MYO9B: variants seen among roughly 807,000 people sequenced by gnomAD.
MYO9B encodes myosin IXB.
MYO9B carries 71 observed loss-of-function variants against 229.5 expected under a neutral mutation model. The ratio of observed to expected loss-of-function variants is 0.31; its 90% CI spans 0.26 to 0.38. MYO9B has a LOEUF of 0.38. MYO9B is among the 10% of genes least tolerant of loss of function. The pLI is 1.00. For missense variants in MYO9B, 2,255 were observed against 2,920.5 expected (o/e 0.77, Z 5.25); for synonymous variants, 1,185 against 1,235.8 (o/e 0.96, Z 0.86).
chr19:17,087,565 A>C (rs1399037388), intron 1 of MYO9B, among the ~76,000 whole-genome samples: 2 of 152,218 alleles, frequency 1.3e-5, no homozygotes, highest in African/African-American at 4.8e-5. Context: ...GCACTGGGCA[A>C]CTGGATTCAT....
At chr19:17,175,414 G>A (rs1293316109) in intron 13 of MYO9B, among the ~76,000 whole-genome samples, 22 of 151,908 alleles carry the variant, frequency 1.4e-4, no homozygotes, top group African/African-American at 3.4e-4. Context: ...GCAAAACCCC[G>A]TCTCTACTAA....
chr19:17,137,409 A>G (rs1454863354), intron 2 of MYO9B, among the ~76,000 whole-genome samples: 4 of 152,054 alleles, frequency 2.6e-5, no homozygotes, highest in African/African-American at 9.7e-5. Flanking sequence ...GTCTCAAACA[A>G]CAACAACAAC....
Position 17,102,185 on chromosome 19 carries a change from G to A in MYO9B, c.468G>A (p.Glu156=), listed in dbSNP as rs1453140823. The A allele has an allele frequency of 1.2e-6, 2 of 1,613,888 alleles. No homozygotes were observed. The highest frequency in any genetic ancestry group is 1.7e-5 in the Admixed American group (1 of 60,030). Residue 156 remains glutamate (E), a synonymous_variant, in exon 2 of 40, where the codon GAG becomes GAA. Coordinates refer to ENST00000682292, the MANE Select transcript of MYO9B (RefSeq NM_004145.4). ...ADFDDLCNLP[E]LTEGNLLKNL... is the part of the protein sequence containing the mutation. ...TTGATGACCTGTGTAACCTCCCCGAGCTAACCGAGGGCAACCTCCTGAAGA... is the reference window on the plus strand; with the variant it reads ...TTGATGACCTGTGTAACCTCCCCGAACTAACCGAGGGCAACCTCCTGAAGA...
At chr19:17,205,687 G>A (rs577252755) in intron 31 of MYO9B, among the ~76,000 whole-genome samples, 1 of 152,264 alleles carries the variant, frequency 6.6e-6, no homozygotes, top group South Asian at 2.1e-4. Flanking sequence ...TCTGTGAGGT[G>A]GCTGTGGGGG....
chr19:17,198,484 C>G (rs1435623679), intron 24 of MYO9B, among the ~76,000 whole-genome samples, 176 bp downstream of exon 24: 6 of 152,170 alleles, frequency 3.9e-5, no homozygotes, highest in African/African-American at 1.4e-4. Context: ...CCTATAATCC[C>G]AGCACTTTGG....
intron 2 of MYO9B, among the ~76,000 whole-genome samples, chr19:17,144,334 A>C (rs1417995663): frequency 6.6e-6 from 1 of 152,168 alleles, no homozygotes; most frequent in Non-Finnish European, 1.5e-5. Context: ...TCTGGGCATG[A>C]TGGTTCATGC....
intron 30 of MYO9B, among the ~76,000 whole-genome samples, 177 bp from the exon 31 acceptor site, chr19:17,205,086 G>C (rs6512176): frequency 0.39 from 59,704 of 151,218 alleles, 12,701 homozygotes; most frequent in East Asian, 0.76. Context: ...GGGAGGCGGA[G>C]GTTGCAGTGA....
chr19:17,166,629 T>C (rs2072662811), intron 10 of MYO9B, among the ~76,000 whole-genome samples: 1 of 152,146 alleles, frequency 6.6e-6, no homozygotes, highest in Non-Finnish European at 1.5e-5. Flanking sequence ...CACTAGTTAT[T>C]TTTCCTGATC....
rs377113257 is a variant in MYO9B at position 17,212,178 on chromosome 19, C to T, written c.6342C>T (p.Pro2114=). 2.9e-5 allele frequency: 46 copies of T among 1,579,688 alleles called. No homozygotes were observed. The highest frequency in any genetic ancestry group is 5.5e-5 in the Admixed American group (3 of 54,414). ...PDQIHSVYIT[P]GADLPVQGAL... is the part of the protein sequence containing the mutation. ...AGATACATTCCGTGTACATCACGCC[C>T]GGGGCAGACCTGCCAGTGCAGGGCG... is the stretch of plus-strand genomic sequence containing the variant. The change falls in exon 40 of 40, where the codon CCC becomes CCT. Residue 2114 remains proline (P), a synonymous_variant. Transcript: ENST00000682292. This position sits in a 1 kb window ranked among gnomAD's most constrained non-coding sequence, Gnocchi z 5.4.
At chr19:17,190,609 G>GCC (rs1183505745) in intron 19 of MYO9B, among the ~76,000 whole-genome samples, 1 of 145,178 alleles carries the variant, frequency 6.9e-6, no homozygotes. Flanking sequence ...CTGCACTCCA[G>GCC]CCTGGGTAAC....
chr19:17,199,701 T>C (rs199715853), intron 24 of MYO9B, among the ~76,000 whole-genome samples: 162 of 16,282 alleles, frequency 9.9e-3, no homozygotes, highest in African/African-American at 0.055. Flanking sequence ...TTTTTTTTTC[T>C]TTTTTTTTTT....
chr19:17,092,754 A>G (rs533611303), intron 1 of MYO9B, among the ~76,000 whole-genome samples: 15 of 150,868 alleles, frequency 9.9e-5, no homozygotes, highest in Admixed American at 2.6e-4. Context: ...GCGCTTGCAC[A>G]TATGTTTTTT....
intron 18 of MYO9B, 92 bp downstream of exon 18, chr19:17,186,093 G>C (rs2072916668): frequency 8.7e-7 from 1 of 1,154,960 alleles, no homozygotes; most frequent in Admixed American, 1.8e-5. Flanking sequence ...CCTCCACGCA[G>C]TATGGGGGAC....
At chr19:17,175,354 G>A (rs901050071) in intron 13 of MYO9B, among the ~76,000 whole-genome samples, 2 of 151,662 alleles carry the variant, frequency 1.3e-5, no homozygotes, top group Non-Finnish European at 2.9e-5. Flanking sequence ...GGAGGCCAAG[G>A]TGGGCAGATC....
At chr19:17,130,324 A>G (rs8100038) in intron 2 of MYO9B, among the ~76,000 whole-genome samples, 1,664 of 152,106 alleles carry the variant, frequency 0.011, 33 homozygotes, top group African/African-American at 0.037. Flanking sequence ...TACAGAAATT[A>G]GCCGGGCATT....
intron 2 of MYO9B, among the ~76,000 whole-genome samples, chr19:17,133,040 G>A (rs1284754932): frequency 6.6e-6 from 1 of 151,656 alleles, no homozygotes. Flanking sequence ...TAGAGACAGG[G>A]TTTCACCATG....
At chr19:17,152,075 T>C (rs544657276) in intron 3 of MYO9B, among the ~76,000 whole-genome samples, 13 of 151,238 alleles carry the variant, frequency 8.6e-5, no homozygotes, top group South Asian at 2.1e-4. Context: ...TAATCCCAGC[T>C]ACTCAGGAGG....
chr19:17,202,807 G>T, intron 28 of MYO9B, 35 bp from the exon 29 acceptor site: 1 of 1,565,972 alleles, frequency 6.4e-7, no homozygotes, highest in South Asian at 1.2e-5. Context: ...TTCCCAGGGG[G>T]GCCCCCGCCA....
intron 1 of MYO9B, among the ~76,000 whole-genome samples, chr19:17,091,544 T>G (rs554911139): frequency 6.6e-6 from 1 of 152,238 alleles, no homozygotes; most frequent in South Asian, 2.1e-4. Context: ...CCATCTCTAC[T>G]AAAAATACAA....
Sources: allele counts gnomAD v4.1 joint callset (sites outside exome capture counted in the v4.1 genomes callset), GRCh38; gene constraint gnomAD v4.1.1; non-coding constraint Gnocchi (gnomAD v3.1); transcripts MANE v1.5; gene names NCBI Gene and HGNC (gene_info 2026-07-23, HGNC 2026-07-21).